Variants in NTNG2 observed in about 807,000 individuals in gnomAD.
NTNG2 encodes the protein netrin-G2.
Under a neutral mutation model 47.6 loss-of-function variants are expected in NTNG2, and 15 were observed. The ratio of observed to expected loss-of-function variants is 0.32; its 90% CI spans 0.21 to 0.49. The LOEUF (loss-of-function observed/expected upper bound fraction) is 0.49. Among genes scored for constraint, NTNG2 ranks in the 20% least tolerant of loss-of-function variants. The pLI is 0.99. For missense variants in NTNG2, 578 were observed against 764.6 expected (o/e 0.76, Z 2.88); for synonymous variants, 307 against 324.6 (o/e 0.95, Z 0.58).
At position 132,191,565 on chromosome 9, in the gene NTNG2, T is replaced by TC. The variant is rs1837889753; in HGVS notation, c.214-6400dup. Among the ~76,000 whole-genome samples the TC allele has an allele frequency of 4.0e-5, 6 of 151,844 alleles. No homozygotes were observed. In the South Asian group the frequency reaches 1.2e-3, roughly 32 times the overall value. ...GAAAATGGGTATGTTAACTCATCTT[T>TC]CTTTTTTTTTTTCTTTTAGACAGAG... is the stretch of plus-strand genomic sequence containing the variant. On this transcript the variant is annotated intron_variant, in intron 2 of 7. Coordinates refer to ENST00000393229, the MANE Select transcript of NTNG2 (RefSeq NM_032536.4).
Position 132,231,255 on chromosome 9 carries a change from C to A in NTNG2, c.1054+660C>A. ...CAGTAAATGTCATCGAGACTGTCCC[C>A]AGACACTCACAGGGTGCCAGGCACG... On this transcript the variant is annotated intron_variant, in intron 5 of 7. Coordinates refer to ENST00000393229, the MANE Select transcript of NTNG2 (RefSeq NM_032536.4). This position sits in a 1 kb window ranked among gnomAD's most constrained non-coding sequence, Gnocchi z 4.1. 1 of 455,176 alleles carries A rather than the reference C, an allele frequency of 2.2e-6. No homozygotes were observed. Among genetic ancestry groups the A allele is most frequent in the Non-Finnish European group, 4.4e-6 (1 of 226,294 alleles). The allele number at this position is 455,176 out of a possible 1,614,324, so 28.2% of individuals were successfully genotyped here. A position where few individuals can be genotyped will look rare whatever the true frequency, so the allele number is the denominator to read the frequency against.
intron 5 of NTNG2, chr9:132,233,332 T>TAC (rs3065875): frequency 0.26 from 39,192 of 151,290 alleles, 5,391 homozygotes; most frequent in East Asian, 0.39. Flanking sequence ...CACGCACATG[T>TAC]ACACACACAC....
chr9:132,207,233 A>G (rs969576022), intron 3 of NTNG2, among the ~76,000 whole-genome samples: 18 of 152,224 alleles, frequency 1.2e-4, no homozygotes, highest in Admixed American at 1.1e-3. Flanking sequence ...TCTAATGGGC[A>G]CTGCCTTGGT....
intron 2 of NTNG2, among the ~76,000 whole-genome samples, chr9:132,191,195 C>A (rs541965559): frequency 2.6e-5 from 4 of 152,308 alleles, no homozygotes; most frequent in Admixed American, 2.0e-4. Flanking sequence ...AATCATCACA[C>A]TCTTCTGAGT....
chr9:132,215,668 C>T lies in NTNG2; in HGVS notation c.858-11181C>T, dbSNP rs1717370022. Among the ~76,000 whole-genome samples the T allele has an allele frequency of 6.6e-6, 1 of 152,180 alleles. No individual in the cohort carries two copies. The highest frequency in any genetic ancestry group is 2.1e-4 in the South Asian group (1 of 4,834). ...AGGGGGTGTGTCACCTCTTGGGGCG[C>T]CCCAGGGGCCTGGAGAATAGGTTGA... On this transcript the variant is annotated intron_variant, in intron 3 of 7. Coordinates refer to ENST00000393229, the MANE Select transcript of NTNG2 (RefSeq NM_032536.4). This position sits in a 1 kb window ranked among gnomAD's most constrained non-coding sequence, Gnocchi z 4.2.
Position 132,236,757 on chromosome 9 carries a change from C to T in NTNG2, c.1055-2347C>T, listed in dbSNP as rs1406899217. 6.6e-6 allele frequency among the ~76,000 whole-genome samples: 1 copy of T among 152,192 alleles called. No homozygotes were observed. The highest frequency in any genetic ancestry group is 1.5e-5 in the Non-Finnish European group (1 of 68,036). On this transcript the variant is annotated intron_variant, in intron 5 of 7. Transcript: ENST00000393229. This position sits in a 1 kb window ranked among gnomAD's most constrained non-coding sequence, Gnocchi z 4.3. ...AGAGGGAAGCCAAGGTAGTGACGAT[C>T]CCGGGACAGTGGCCTGCTCACCCAC...
Position 132,243,357 on chromosome 9 carries a change from TGCCG to T in NTNG2, c.*1250_*1253del, listed in dbSNP as rs967117155. 2.8e-4 allele frequency: 43 copies of T among 152,356 alleles called. No homozygotes were observed. Among genetic ancestry groups the T allele is most frequent in the African/African-American group, 1.0e-3 (42 of 41,554 alleles). The allele number at this position is 152,356 out of a possible 1,614,324, so 9.4% of individuals were successfully genotyped here. On this transcript the variant is annotated 3_prime_UTR_variant, in exon 8 of 8. Transcript: ENST00000393229. ...GCGGGCAGTGCAGAGACCCCAGACG[TGCCG>T]GCCCTGTCCTCCCTACCTTCTCAAG...
chr9:132,215,347 G>A lies in NTNG2; in HGVS notation c.858-11502G>A, dbSNP rs1477009424. ...TGTAATCCCAGCATTTTGGGAGGCCGAGGTGGGCGGATCATTTGAGGTCAG... is the reference window on the plus strand; with the variant it reads ...TGTAATCCCAGCATTTTGGGAGGCCAAGGTGGGCGGATCATTTGAGGTCAG... On this transcript the variant is annotated intron_variant, in intron 3 of 7. Coordinates refer to ENST00000393229, the MANE Select transcript of NTNG2 (RefSeq NM_032536.4). The surrounding 1 kb of genome is among the most constrained non-coding windows in gnomAD (Gnocchi z 4.2). Among the ~76,000 whole-genome samples the A allele has an allele frequency of 2.0e-5, 3 of 152,216 alleles. No individual in the cohort carries two copies. The highest frequency in any genetic ancestry group is 1.9e-4 in the East Asian group (1 of 5,152).
rs1841621208 is a variant in NTNG2, at chr9:132,236,280, T to G, written c.1055-2824T>G. Among the ~76,000 whole-genome samples, 1 of 151,898 alleles carries G rather than the reference T, an allele frequency of 6.6e-6. No homozygotes were observed. The highest frequency in any genetic ancestry group is 2.4e-5 in the African/African-American group (1 of 41,318). ...AGGGAGCCTGACAAAGTGGAAAATG[T>G]GTGGGTTAAAGGAGGGAGGGCGGGG... is the stretch of plus-strand genomic sequence containing the variant. On this transcript the variant is annotated intron_variant, in intron 5 of 7. Coordinates refer to ENST00000393229, the MANE Select transcript of NTNG2 (RefSeq NM_032536.4). The surrounding 1 kb of genome is among the most constrained non-coding windows in gnomAD (Gnocchi z 4.3).
At chr9:132,183,857 T>G (rs986537703) in intron 2 of NTNG2, among the ~76,000 whole-genome samples, 2 of 152,150 alleles carry the variant, frequency 1.3e-5, no homozygotes, top group Non-Finnish European at 2.9e-5. Flanking sequence ...ATTACTCGAT[T>G]GGTTAGTTTG....
At chr9:132,181,916 C>T (rs887203199) in intron 2 of NTNG2, among the ~76,000 whole-genome samples, 1 of 152,228 alleles carries the variant, frequency 6.6e-6, no homozygotes, top group African/African-American at 2.4e-5. Context: ...ACACGAGTCG[C>T]TCTGGATCTC....
In NTNG2 at chr9:132,242,012, C is replaced by A; in HGVS notation, c.1494C>A (p.Gly498=). ...GCTGCGACCCCGCCGACGATGACGGCGGTCTGGACTGCGACCGCGCGCCCG... is the reference window on the plus strand; with the variant it reads ...GCTGCGACCCCGCCGACGATGACGGAGGTCTGGACTGCGACCGCGCGCCCG... ...QPRCDPADDD[G]GLDCDRAPGA... is the part of the protein sequence containing the mutation. The change falls in exon 8 of 8, where the codon GGC becomes GGA. Residue 498 remains glycine, a synonymous_variant. Coordinates refer to ENST00000393229, the MANE Select transcript of NTNG2 (RefSeq NM_032536.4). This position sits in a 1 kb window ranked among gnomAD's most constrained non-coding sequence, Gnocchi z 5.9. The A allele has an allele frequency of 7.0e-7, 1 of 1,430,114 alleles. No individual in the cohort carries two copies. The highest frequency in any genetic ancestry group is 9.1e-7 in the Non-Finnish European group (1 of 1,096,584). 88.6% of individuals were successfully genotyped at this position (1,430,114 alleles called of 1,614,324 possible).
At chr9:132,195,454 G>A (rs929674308) in intron 2 of NTNG2, among the ~76,000 whole-genome samples, 2 of 148,316 alleles carry the variant, frequency 1.3e-5, no homozygotes, top group Non-Finnish European at 3.0e-5. Context: ...GACTACAGGC[G>A]CCCACCACCA....
chr9:132,163,410 G>C lies in NTNG2; in HGVS notation c.-484+1171G>C, dbSNP rs1038611055. ...CCGGATAAAGGGCCCGCTCCGGAGCGGGGGGACACCCGGGCCGCCGGAATT... is the reference window on the plus strand; with the variant it reads ...CCGGATAAAGGGCCCGCTCCGGAGCCGGGGGACACCCGGGCCGCCGGAATT... On this transcript the variant is annotated intron_variant, in intron 1 of 7. Coordinates refer to ENST00000393229, the MANE Select transcript of NTNG2 (RefSeq NM_032536.4). The surrounding 1 kb of genome is among the most constrained non-coding windows in gnomAD (Gnocchi z 7.2). Among the ~76,000 whole-genome samples, 1 of 151,548 alleles carries C rather than the reference G, an allele frequency of 6.6e-6. No individual in the cohort carries two copies. Among genetic ancestry groups the C allele is most frequent in the African/African-American group, 2.4e-5 (1 of 41,272 alleles).
At chr9:132,167,824 C>A (rs532219271) in intron 2 of NTNG2, among the ~76,000 whole-genome samples, 2 of 152,108 alleles carry the variant, frequency 1.3e-5, no homozygotes, top group African/African-American at 2.4e-5. Flanking sequence ...GTGTGTGGGC[C>A]GAGCCTGATG....
intron 2 of NTNG2, among the ~76,000 whole-genome samples, chr9:132,175,355 G>A (rs1375463155): frequency 6.6e-6 from 1 of 152,202 alleles, no homozygotes; most frequent in Non-Finnish European, 1.5e-5. Flanking sequence ...AGGAGCAAGA[G>A]GGGCAGGAGG....
At chr9:132,225,998 C>T (rs1440374339) in intron 3 of NTNG2, among the ~76,000 whole-genome samples, 1 of 152,110 alleles carries the variant, frequency 6.6e-6, no homozygotes, top group Non-Finnish European at 1.5e-5. Context: ...GGTTCAGTTG[C>T]TTTGGCTTCG....
At position 132,241,888 on chromosome 9, in the gene NTNG2, A is replaced by G; in HGVS notation, c.1370A>G (p.Asp457Gly). ...CCTCCGCCTGCAGCCAACGTGTGCG[A>G]CGACGACCAGCTGCTGTGCCAGAAC... ...WRQGCYPNVC[D>G]DDQLLCQNGG... The change falls in exon 8 of 8, where the codon GAC (aspartate) becomes GGC (glycine). Residue 457 changes from aspartate (D) to glycine (G), a missense_variant. Asp to Gly is a moderately conservative substitution (Grantham distance 94). Transcript: ENST00000393229. 1 of 1,574,586 alleles carries G rather than the reference A, an allele frequency of 6.4e-7. No homozygotes were observed. Among genetic ancestry groups the G allele is most frequent in the East Asian group, 2.4e-5 (1 of 41,632 alleles).
chr9:132,173,417 A>G (rs1050056296), intron 2 of NTNG2, among the ~76,000 whole-genome samples: 1 of 152,212 alleles, frequency 6.6e-6, no homozygotes, highest in African/African-American at 2.4e-5. Flanking sequence ...CACCCCGTGG[A>G]AGGCAGGCAG....
Sources: allele counts gnomAD v4.1 joint callset (sites outside exome capture counted in the v4.1 genomes callset), GRCh38; gene constraint gnomAD v4.1.1; non-coding constraint Gnocchi (gnomAD v3.1); transcripts MANE v1.5; gene names NCBI Gene and HGNC (gene_info 2026-07-23, HGNC 2026-07-21).